CNTNAP5: variants seen among roughly 807,000 people sequenced by gnomAD.
CNTNAP5 encodes the protein contactin-associated protein-like 5.
CNTNAP5 carries 72 observed loss-of-function variants against 150.2 expected under a neutral mutation model. The observed-to-expected ratio is 0.48, with a 90% CI of 0.40 to 0.58. CNTNAP5 has a LOEUF of 0.58. CNTNAP5 is among the 20% of genes least tolerant of loss of function. The pLI, the probability that CNTNAP5 is intolerant of heterozygous loss-of-function variation, is 0.00. For synonymous variants in CNTNAP5, 672 were observed against 619.8 expected (o/e 1.08, Z -1.25); for missense variants, 1,636 against 1,626.2 (o/e 1.01, Z -0.10).
At chr2:124,442,334 G>A (rs902789441) in intron 5 of CNTNAP5, among the ~76,000 whole-genome samples, 2 of 152,116 alleles carry the variant, frequency 1.3e-5, no homozygotes, top group African/African-American at 4.8e-5. Context: ...AGAAGCTTTA[G>A]GATTTGAAGG....
chr2:124,458,576 G>A (rs1352051533), intron 6 of CNTNAP5, among the ~76,000 whole-genome samples: 4 of 151,808 alleles, frequency 2.6e-5, no homozygotes, highest in Admixed American at 1.3e-4. Flanking sequence ...CTTGTATACT[G>A]CTTAGGTTAT....
intron 1 of CNTNAP5, among the ~76,000 whole-genome samples, chr2:124,153,382 T>C (rs1189943315): frequency 1.3e-5 from 2 of 152,046 alleles, no homozygotes; most frequent in Non-Finnish European, 2.9e-5. Context: ...GTGAATACAG[T>C]AGGTCAATGT....
At chr2:124,123,137 A>G (rs1558764390) in intron 1 of CNTNAP5, among the ~76,000 whole-genome samples, 1 of 152,086 alleles carries the variant, frequency 6.6e-6, no homozygotes, top group Non-Finnish European at 1.5e-5. Flanking sequence ...GGGTCGGGGA[A>G]TTCCCTTTCA....
At chr2:124,469,220 A>G (rs1354444860) in intron 6 of CNTNAP5, among the ~76,000 whole-genome samples, 1 of 152,160 alleles carries the variant, frequency 6.6e-6, no homozygotes, top group Non-Finnish European at 1.5e-5. Flanking sequence ...ACAATTTTTT[A>G]GTATATGGTA....
intron 3 of CNTNAP5, among the ~76,000 whole-genome samples, chr2:124,337,746 T>G (rs926244719): frequency 2.0e-5 from 3 of 152,146 alleles, no homozygotes; most frequent in Admixed American, 2.0e-4. Flanking sequence ...TCTGTTTTGG[T>G]ACCAGTACCA....
rs1428696646 is a variant in CNTNAP5, at chr2:124,417,440, C to T, written c.382-3C>T. ...CTCACTGCCTCTCCTTTCTTCTCTG[C>T]AGACCTTTGCAGGAAACATGAATGC... is the stretch of plus-strand genomic sequence containing the variant. On this transcript the variant is annotated splice_region_variant and splice_polypyrimidine_tract_variant and intron_variant, in intron 3 of 23. Transcript: ENST00000682447. The T allele has an allele frequency of 3.1e-6, 5 of 1,613,514 alleles. No individual in the cohort carries two copies. Among genetic ancestry groups the T allele is most frequent in the South Asian group, 1.1e-5 (1 of 91,044 alleles).
intron 3 of CNTNAP5, among the ~76,000 whole-genome samples, chr2:124,260,312 A>G (rs139645750): frequency 0.011 from 1,727 of 152,344 alleles, 29 homozygotes; most frequent in African/African-American, 0.033. Flanking sequence ...CTGACTAACC[A>G]TATGTAGAAA....
chr2:124,131,580 T>C (rs1558768209), intron 1 of CNTNAP5, among the ~76,000 whole-genome samples: 1 of 152,180 alleles, frequency 6.6e-6, no homozygotes. Flanking sequence ...TCGGGGGTAA[T>C]AGATTAGGAA....
At chr2:124,566,080 C>G (rs1696018431) in intron 11 of CNTNAP5, among the ~76,000 whole-genome samples, 1 of 151,630 alleles carries the variant, frequency 6.6e-6, no homozygotes, top group Admixed American at 6.6e-5. Flanking sequence ...AAGTCTGGTT[C>G]CAAAAATATT....
intron 13 of CNTNAP5, among the ~76,000 whole-genome samples, chr2:124,725,755 C>T (rs1558751841): frequency 1.3e-5 from 2 of 151,974 alleles, no homozygotes; most frequent in Non-Finnish European, 2.9e-5. Context: ...TACCATTCTA[C>T]TCTCTGCTTC....
At chr2:124,879,353 A>G (rs1677922885) in intron 21 of CNTNAP5, among the ~76,000 whole-genome samples, 1 of 152,152 alleles carries the variant, frequency 6.6e-6, no homozygotes, top group Admixed American at 6.5e-5. Flanking sequence ...TATAATGTAT[A>G]AATATTAGAA....
intron 13 of CNTNAP5, among the ~76,000 whole-genome samples, chr2:124,735,555 C>G (rs998141212): frequency 1.3e-5 from 2 of 151,988 alleles, no homozygotes; most frequent in African/African-American, 4.8e-5. Flanking sequence ...CAATAATGAT[C>G]TGTAGTTTTA....
At chr2:124,679,335 C>T (rs1005506505) in intron 13 of CNTNAP5, among the ~76,000 whole-genome samples, 4 of 151,822 alleles carry the variant, frequency 2.6e-5, no homozygotes, top group Non-Finnish European at 5.9e-5. Context: ...GGCTATGCCT[C>T]CTCATTTTCA....
chr2:124,358,235 C>T (rs1690079463), intron 3 of CNTNAP5, among the ~76,000 whole-genome samples: 1 of 152,028 alleles, frequency 6.6e-6, no homozygotes, highest in Admixed American at 6.6e-5. Flanking sequence ...GATATACAAT[C>T]ATGTCATCTG....
At chr2:124,522,812 C>A (rs1324427352) in intron 8 of CNTNAP5, among the ~76,000 whole-genome samples, 1 of 152,154 alleles carries the variant, frequency 6.6e-6, no homozygotes, top group Non-Finnish European at 1.5e-5. Flanking sequence ...CTCCTGGAAC[C>A]CTTGCTCCAA....
intron 19 of CNTNAP5, among the ~76,000 whole-genome samples, chr2:124,847,485 G>C (rs531718334): frequency 6.6e-6 from 1 of 152,144 alleles, no homozygotes; most frequent in African/African-American, 2.4e-5. Flanking sequence ...CAACAGCATC[G>C]AGTCTATATC....
At position 124,446,745 on chromosome 2, in the gene CNTNAP5, C is replaced by T. The variant is rs528043521; in HGVS notation, c.734-8C>T. 1 of 1,611,966 alleles carries T rather than the reference C, an allele frequency of 6.2e-7. No homozygotes were observed. Among genetic ancestry groups the T allele is most frequent in the South Asian group, 1.1e-5 (1 of 90,876 alleles). ...AGACATCATCTTGCCTCTCTCCCCT[C>T]TTCACAGGTGACAGCAAAGCGCGGC... On this transcript the variant is annotated splice_region_variant and splice_polypyrimidine_tract_variant and intron_variant, in intron 5 of 23. Coordinates refer to ENST00000682447, the MANE Select transcript of CNTNAP5 (RefSeq NM_001367498.1).
chr2:124,627,218 G>C (rs1677744832), intron 12 of CNTNAP5, among the ~76,000 whole-genome samples: 1 of 152,172 alleles, frequency 6.6e-6, no homozygotes, highest in African/African-American at 2.4e-5. Context: ...CAGCACACCA[G>C]CTCCCCTAAG....
chr2:124,478,996 G>A (rs1693706485), intron 7 of CNTNAP5, among the ~76,000 whole-genome samples: 1 of 152,150 alleles, frequency 6.6e-6, no homozygotes, highest in Non-Finnish European at 1.5e-5. Context: ...ACTCCCTGGA[G>A]ACTTAACAGC....
Sources: gnomAD v4.1 joint callset for allele counts (sites outside exome capture counted in the v4.1 genomes callset) on GRCh38, gnomAD v4.1.1 for gene constraint, MANE v1.5 for transcripts, NCBI Gene and HGNC (gene_info 2026-07-23, HGNC 2026-07-21) for gene names.